Variants in SNCAIP observed in about 807,000 individuals in gnomAD.
SNCAIP encodes synuclein alpha interacting protein, also known as synphilin-1.
In SNCAIP, 43 loss-of-function variants were observed where a neutral mutation model predicts 86.7. The ratio of observed to expected loss-of-function variants is 0.50; its 90% CI spans 0.39 to 0.64. The LOEUF (loss-of-function observed/expected upper bound fraction) is 0.64. Among genes scored for constraint, SNCAIP ranks in the 30% least tolerant of loss-of-function variants. The probability of loss-of-function intolerance (pLI) is 0.00; values close to 1 mark genes in which losing one functional copy is unlikely to be tolerated. For missense variants in SNCAIP, 981 were observed against 1,103.1 expected, an observed-to-expected ratio of 0.89 and a Z score of 1.57; for synonymous variants, 417 against 427.2, an observed-to-expected ratio of 0.98 and a Z score of 0.29.
intron 3 of SNCAIP, among the ~76,000 whole-genome samples, chr5:122,418,977 G>A (rs1775851241): frequency 6.6e-6 from 1 of 152,094 alleles, no homozygotes; most frequent in South Asian, 2.1e-4. Context: ...GATGAAGAGG[G>A]CCCAGATTTC....
chr5:122,338,762 T>C (rs1043099779), intron 1 of SNCAIP, among the ~76,000 whole-genome samples: 10 of 152,224 alleles, frequency 6.6e-5, no homozygotes, highest in African/African-American at 2.4e-4. Context: ...TTTTGTGTCA[T>C]TCATGTCTGT....
intron 1 of SNCAIP, among the ~76,000 whole-genome samples, chr5:122,379,134 T>C (rs1210294874): frequency 1.3e-5 from 1 of 76,932 alleles, no homozygotes; most frequent in Non-Finnish European, 2.5e-5. Flanking sequence ...TTGGGCAGTA[T>C]GGCCATTTTC....
intron 1 of SNCAIP, chr5:122,312,491 A>G (rs1204955313): frequency 2.6e-5 from 4 of 152,090 alleles, no homozygotes; most frequent in Non-Finnish European, 5.9e-5. Flanking sequence ...TCTCTATAGT[A>G]ACAGTAACAG....
At chr5:122,449,993 T>A (rs1783371965) in intron 9 of SNCAIP, 56 bp downstream of exon 9, 1 of 1,131,814 alleles carries the variant, frequency 8.8e-7, no homozygotes, top group Non-Finnish European at 1.3e-6. Flanking sequence ...TGTTAAGCCT[T>A]CTTCTGAACT....
intron 2 of SNCAIP, among the ~76,000 whole-genome samples, chr5:122,391,930 G>T (rs751301181): frequency 4.6e-5 from 7 of 152,182 alleles, no homozygotes; most frequent in Non-Finnish European, 8.8e-5. Flanking sequence ...AGCAAAACTG[G>T]CTAACTCTCA....
At chr5:122,335,320 C>A (rs886447148) in intron 1 of SNCAIP, among the ~76,000 whole-genome samples, 2 of 152,152 alleles carry the variant, frequency 1.3e-5, no homozygotes, top group African/African-American at 4.8e-5. Context: ...CAGTTCAATT[C>A]TGTTAACCAC....
In SNCAIP at chr5:122,433,339, T is replaced by A. The variant is rs574176238; in HGVS notation, c.1296+1257T>A. ...GAGGAAGGAGACTGAAGAAAGAGAG[T>A]TACATGACTTGCACATGGTCTAATG... is the stretch of plus-strand genomic sequence containing the variant. On this transcript the variant is annotated intron_variant, in intron 6 of 10. Transcript: ENST00000261368. 8.5e-5 allele frequency among the ~76,000 whole-genome samples: 13 copies of A among 152,138 alleles called. No homozygotes were observed. The South Asian group carries it at 1.7e-3, about 19-fold the overall frequency.
intron 3 of SNCAIP, among the ~76,000 whole-genome samples, chr5:122,408,306 T>A (rs1489057506): frequency 6.6e-6 from 1 of 152,146 alleles, no homozygotes; most frequent in Admixed American, 6.5e-5. Flanking sequence ...GCTTCCTGAG[T>A]GTCCTCAGAG....
chr5:122,362,901 C>T (rs1305167950), intron 1 of SNCAIP, among the ~76,000 whole-genome samples: 2 of 152,108 alleles, frequency 1.3e-5, no homozygotes, highest in Admixed American at 6.6e-5. Flanking sequence ...GGCTTAAGTC[C>T]CAGACAAACA....
intron 1 of SNCAIP, among the ~76,000 whole-genome samples, chr5:122,340,534 T>C (rs994269123): frequency 2.0e-5 from 3 of 152,290 alleles, no homozygotes; most frequent in East Asian, 1.9e-4. Flanking sequence ...TCATTAACAA[T>C]AGTAAGAATC....
At chr5:122,377,665 A>C (rs530506874) in intron 1 of SNCAIP, among the ~76,000 whole-genome samples, 1 of 149,012 alleles carries the variant, frequency 6.7e-6, no homozygotes, top group African/African-American at 2.5e-5. Flanking sequence ...CATTATGTAT[A>C]TCTCCCAATG....
intron 1 of SNCAIP, among the ~76,000 whole-genome samples, chr5:122,337,150 A>T (rs999099513): frequency 6.6e-6 from 1 of 152,222 alleles, no homozygotes; most frequent in African/African-American, 2.4e-5. Flanking sequence ...AAAAGGGAAA[A>T]TATGGATATA....
At chr5:122,403,662 T>C (rs1772324674) in intron 2 of SNCAIP, 131 bp from the exon 3 acceptor site, 2 of 809,254 alleles carry the variant, frequency 2.5e-6, no homozygotes, top group East Asian at 2.4e-5. Context: ...TAGGGTAAAA[T>C]GAGATAAATT....
intron 1 of SNCAIP, among the ~76,000 whole-genome samples, chr5:122,339,145 C>T (rs1757073691): frequency 2.0e-5 from 3 of 152,098 alleles, no homozygotes; most frequent in Admixed American, 2.0e-4. Context: ...GCCAGTTTCT[C>T]CACAGCTTCT....
At chr5:122,319,058 G>A (rs945713069) in intron 1 of SNCAIP, among the ~76,000 whole-genome samples, 6 of 149,692 alleles carry the variant, frequency 4.0e-5, no homozygotes, top group Admixed American at 3.3e-4. Context: ...TCCTCCTGGC[G>A]ACTGCCAAGT....
At chr5:122,428,652 G>A (rs1027342484) in intron 5 of SNCAIP, among the ~76,000 whole-genome samples, 1 of 150,222 alleles carries the variant, frequency 6.7e-6, no homozygotes. Flanking sequence ...ATGCAGATTT[G>A]TTACACATGT....
At chr5:122,411,970 A>C (rs1774233815) in intron 3 of SNCAIP, among the ~76,000 whole-genome samples, 1 of 152,146 alleles carries the variant, frequency 6.6e-6, no homozygotes, top group East Asian at 1.9e-4. Context: ...GATGGTTCTC[A>C]AGATATGCAG....
chr5:122,388,103 G>T (rs1014023794), intron 1 of SNCAIP, among the ~76,000 whole-genome samples: 4 of 152,132 alleles, frequency 2.6e-5, no homozygotes, highest in Non-Finnish European at 5.9e-5. Context: ...GGGAGCACAG[G>T]CCCCATGGAC....
At chr5:122,428,609 TA>T (rs1352725700) in intron 5 of SNCAIP, among the ~76,000 whole-genome samples, 1 of 152,038 alleles carries the variant, frequency 6.6e-6, no homozygotes, top group Non-Finnish European at 1.5e-5. Context: ...ATTTATTTAT[TA>T]TACTTTAAGT....
Sources: gnomAD v4.1 joint callset for allele counts (sites outside exome capture counted in the v4.1 genomes callset) on GRCh38, gnomAD v4.1.1 for gene constraint, MANE v1.5 for transcripts, NCBI Gene and HGNC (gene_info 2026-07-23, HGNC 2026-07-21) for gene names.